The following ABCA4 variants were observed in gnomAD, a reference collection of about 807,000 sequenced individuals.
The protein encoded by ABCA4 is retinal-specific phospholipid-transporting ATPase ABCA4.
Under a neutral mutation model 263.7 loss-of-function variants are expected in ABCA4, and 196 were observed. The ratio of observed to expected loss-of-function variants is 0.74; its 90% CI spans 0.66 to 0.84. The LOEUF (loss-of-function observed/expected upper bound fraction) is 0.84, where lower values mean the gene tolerates loss of function less well. Among genes scored for constraint, ABCA4 ranks in the 40% least tolerant of loss-of-function variants. ABCA4 has a pLI of 0.00. For synonymous variants in ABCA4, 1,133 were observed against 1,094.2 expected (o/e 1.04, Z -0.70); for missense variants, 2,792 against 2,855.1 (o/e 0.98, Z 0.50).
rs761112891 is a variant in ABCA4 at position 94,113,015 on chromosome 1, T to C, written c.118A>G (p.Ile40Val). ...VWPLSLFLVL[I>V]WLRNANPLYS... Reference sequence around the variant, plus strand: ...AGTGGGTTGGCATTCCTTAACCAGATCAAGACCAGAAATAAAGATAAAGGC... The same window carrying C: ...AGTGGGTTGGCATTCCTTAACCAGACCAAGACCAGAAATAAAGATAAAGGC... Residue 40 changes from isoleucine (I) to valine (V), a missense_variant, in exon 2 of 50, where the codon ATC becomes GTC. Coordinates refer to ENST00000370225, the MANE Select transcript of ABCA4 (RefSeq NM_000350.3). 3 of 1,613,748 alleles carry C rather than the reference T, an allele frequency of 1.9e-6. No homozygotes were observed. The South Asian group carries it at 3.3e-5, about 18-fold the overall frequency.
intron 24 of ABCA4, among the ~76,000 whole-genome samples, chr1:94,039,563 A>T (rs1368299070): frequency 6.6e-6 from 1 of 152,192 alleles, no homozygotes; most frequent in Non-Finnish European, 1.5e-5. Context: ...TCACTGGGAA[A>T]TTGGGAAGCT....
chr1:94,007,803 C>G (rs1659433393), intron 42 of ABCA4, 63 bp from the exon 43 acceptor site: 1 of 1,475,002 alleles, frequency 6.8e-7, no homozygotes. Context: ...TGTCAGGCCC[C>G]AGGGTAAGTG....
At chr1:94,005,324 TTGG>T in intron 44 of ABCA4, 114 bp downstream of exon 44, 1 of 1,351,890 alleles carries the variant, frequency 7.4e-7, no homozygotes, top group Non-Finnish European at 1.0e-6. Context: ...TAAACATTTG[TTGG>T]AATGAATGAA....
At chr1:94,073,738 T>C (rs1661466631) in intron 11 of ABCA4, among the ~76,000 whole-genome samples, 2 of 152,166 alleles carry the variant, frequency 1.3e-5, no homozygotes, top group South Asian at 4.1e-4. Context: ...GGGGCTGCAT[T>C]AGGAACAAGC....
intron 11 of ABCA4, among the ~76,000 whole-genome samples, chr1:94,067,548 T>A (rs1661303497): frequency 6.6e-6 from 1 of 152,254 alleles, no homozygotes; most frequent in Non-Finnish European, 1.5e-5. Flanking sequence ...GTGCTTTGTC[T>A]TCCTTGCCTT....
chr1:94,013,158 T>C (rs1659599531), intron 38 of ABCA4, among the ~76,000 whole-genome samples: 1 of 152,196 alleles, frequency 6.6e-6, no homozygotes, highest in Non-Finnish European at 1.5e-5. Context: ...CAAACACAGC[T>C]CTGCAAAGCA....
intron 49 of ABCA4, 137 bp downstream of exon 49, chr1:93,995,972 G>T: frequency 1.4e-6 from 1 of 722,832 alleles, no homozygotes; most frequent in Non-Finnish European, 2.4e-6. Flanking sequence ...GTGGGGACTT[G>T]GTAGGGACCG....
chr1:94,048,739 CTT>C, intron 18 of ABCA4, 127 bp downstream of exon 18: 1 of 872,676 alleles, frequency 1.1e-6, no homozygotes, highest in Non-Finnish European at 1.9e-6. Context: ...TGGTTTAACA[CTT>C]GTCCACAGAG....
Position 94,063,298 on chromosome 1 carries a change from A to C in ABCA4, c.1574T>G (p.Phe525Cys), listed in dbSNP as rs1661181033. Residue 525 changes from phenylalanine to cysteine, a missense_variant, in exon 12 of 50, where the codon TTT becomes TGT. Phe to Cys is a radical substitution (Grantham distance 205). Coordinates refer to ENST00000370225, the MANE Select transcript of ABCA4 (RefSeq NM_000350.3). ...QYLECLVLDK[F>C]ESYNDETQLT... is the part of the protein sequence containing the mutation. ...CTGAGTTTCATCATTGTAGCTTTCA[A>C]ACTTATCCAGGACCAAGCACTGCAG... 6.2e-7 allele frequency: 1 copy of C among 1,614,026 alleles called. No individual in the cohort carries two copies. Among genetic ancestry groups the C allele is most frequent in the Admixed American group, 1.7e-5 (1 of 59,992 alleles).
At chr1:94,033,737 C>T (rs1660269542) in intron 26 of ABCA4, among the ~76,000 whole-genome samples, 1 of 151,962 alleles carries the variant, frequency 6.6e-6, no homozygotes, top group African/African-American at 2.4e-5. Flanking sequence ...CGTGCCAGGC[C>T]TGGGATGCGA....
At chr1:94,041,629 C>G (rs1215133271) in intron 22 of ABCA4, among the ~76,000 whole-genome samples, 1 of 152,332 alleles carries the variant, frequency 6.6e-6, no homozygotes, top group African/African-American at 2.4e-5. Context: ...CACAGTGTCT[C>G]TGTATCCAGC....
chr1:94,051,505 A>G, intron 17 of ABCA4, 128 bp downstream of exon 17: 3 of 838,436 alleles, frequency 3.6e-6, no homozygotes, highest in Non-Finnish European at 2.0e-6. Flanking sequence ...GCAGAGCCCC[A>G]GGAGGCAGCT....
chr1:94,103,053 C>A lies in ABCA4; in HGVS notation c.532G>T (p.Val178Phe). ...ACTTGAGAGTTGATCAGAAGGTAGA[C>A]CACTGAGTCAGACAGGCCGATGTTT... Reference protein sequence around the residue: ...IKNIGLSDSVVYLLINSQVRP... With the variant: ...IKNIGLSDSVFYLLINSQVRP... Residue 178 changes from valine (V) to phenylalanine (F), a missense_variant, in exon 5 of 50, where the codon GTC becomes TTC. Coordinates refer to ENST00000370225, the MANE Select transcript of ABCA4 (RefSeq NM_000350.3). 1 of 1,614,200 alleles carries A rather than the reference C, an allele frequency of 6.2e-7. No individual in the cohort carries two copies. The highest frequency in any genetic ancestry group is 2.2e-5 in the East Asian group (1 of 44,884).
chr1:94,074,391 A>C (rs746455503), intron 11 of ABCA4, among the ~76,000 whole-genome samples: 13 of 152,250 alleles, frequency 8.5e-5, no homozygotes, highest in Non-Finnish European at 1.5e-4. Flanking sequence ...CTTAAATGTA[A>C]AATCTAAAAT....
rs1435949634 is a variant in ABCA4, at chr1:94,043,188, G to C, written c.3190+148C>G. ...AGTGCTCTGCAGGGAAAATGATCTG[G>C]GGGCTGCTCTTAGATTTTTGGTGTA... On this transcript the variant is annotated intron_variant, in intron 21 of 49. Transcript: ENST00000370225. The C allele has an allele frequency of 1.5e-5, 18 of 1,178,602 alleles. No homozygotes were observed. The African/African-American group carries it at 2.1e-4, about 14-fold the overall frequency. The allele number at this position is 1,178,602 out of a possible 1,614,324, so 73.0% of individuals were successfully genotyped here.
intron 4 of ABCA4, among the ~76,000 whole-genome samples, chr1:94,106,014 T>C (rs908479041): frequency 2.6e-5 from 4 of 152,234 alleles, no homozygotes; most frequent in African/African-American, 9.6e-5. Flanking sequence ...AAACAGCCTG[T>C]GTTCCTGACA....
intron 17 of ABCA4, among the ~76,000 whole-genome samples, chr1:94,049,402 T>A (rs371287597): frequency 2.6e-5 from 4 of 152,084 alleles, no homozygotes; most frequent in Admixed American, 2.6e-4. Context: ...AATGTAGGCG[T>A]ATCATGAGGT....
Position 94,014,687 on chromosome 1 carries a change from C to T in ABCA4, c.5316G>A (p.Trp1772Ter), listed in dbSNP as rs61750571. ...ALVALLLLYG[W>*]AVIPMMYPAS... ...CTGGGTACATCATGGGAATGACCGC[C>T]CATCTGTGTGAAATGAGACAACTCA... Residue 1772 changes from tryptophan (W) to a stop codon, truncating the protein, a stop_gained, in exon 38 of 50, where the codon TGG (tryptophan) becomes TGA (stop). Transcript: ENST00000370225. LOFTEE classifies it high-confidence loss of function. The T allele has an allele frequency of 8.7e-6, 14 of 1,614,060 alleles. No individual in the cohort carries two copies. Among genetic ancestry groups the T allele is most frequent in the African/African-American group, 1.3e-5 (1 of 74,922 alleles).
chr1:94,062,474 C>T (rs1401275468), intron 13 of ABCA4, 103 bp downstream of exon 13: 4 of 1,448,666 alleles, frequency 2.8e-6, no homozygotes, highest in Non-Finnish European at 3.8e-6. Context: ...CTGGGGCTCT[C>T]TCTAAAGACA....
Sources: allele counts gnomAD v4.1 joint callset (sites outside exome capture counted in the v4.1 genomes callset), GRCh38; gene constraint gnomAD v4.1.1; transcripts MANE v1.5; gene names NCBI Gene and HGNC (gene_info 2026-07-23, HGNC 2026-07-21).